The following SYT16 variants were observed in gnomAD, a reference collection of about 807,000 sequenced individuals.
SYT16 encodes the protein synaptotagmin-16.
A neutral mutation model predicts 61.4 loss-of-function variants in SYT16; 42 were observed. The ratio of observed to expected loss-of-function variants is 0.68; its 90% CI spans 0.53 to 0.89. The LOEUF is 0.89. Ranked by LOEUF, SYT16 falls within the 40% of genes least tolerant of loss-of-function variation. The pLI is 0.00. For synonymous variants in SYT16, 314 were observed against 302.3 expected (o/e 1.04, Z -0.40); for missense variants, 804 against 807.3 (o/e 1.00, Z 0.05).
chr14:62,106,947 A>G lies in SYT16; in HGVS notation c.*6240A>G, dbSNP rs1216335021. The G allele has an allele frequency of 6.6e-6, 1 of 152,062 alleles. No individual in the cohort carries two copies. The highest frequency in any genetic ancestry group is 1.5e-5 in the Non-Finnish European group (1 of 68,008). 9.4% of individuals were successfully genotyped at this position (152,062 alleles called of 1,614,324 possible). On this transcript the variant is annotated 3_prime_UTR_variant, in exon 8 of 8. Coordinates refer to ENST00000683842, the MANE Select transcript of SYT16 (RefSeq NM_001367656.1). Reference sequence around the variant, plus strand: ...TCCATTGCTCACTAATGCTGCCTTAAGGTTTCTTCATGGGAATTTTTACTT... The same window carrying G: ...TCCATTGCTCACTAATGCTGCCTTAGGGTTTCTTCATGGGAATTTTTACTT...
chr14:61,952,777 T>C (rs1344978530), intron 1 of SYT16, among the ~76,000 whole-genome samples: 1 of 152,240 alleles, frequency 6.6e-6, no homozygotes, highest in African/African-American at 2.4e-5. Context: ...CCACTTTTTT[T>C]CCTATTTTTT....
intron 3 of SYT16, among the ~76,000 whole-genome samples, chr14:62,048,537 C>G (rs927314916): frequency 1.3e-5 from 2 of 152,128 alleles, no homozygotes; most frequent in Non-Finnish European, 2.9e-5. Context: ...TGTGTTTGCT[C>G]TTGCTTCTCT....
At chr14:62,039,862 C>T (rs1174127247) in intron 3 of SYT16, among the ~76,000 whole-genome samples, 4 of 140,158 alleles carry the variant, frequency 2.9e-5, no homozygotes, top group African/African-American at 1.1e-4. Flanking sequence ...CACACACACA[C>T]ACACACACAC....
intron 3 of SYT16, among the ~76,000 whole-genome samples, chr14:62,011,870 T>TACACACAC (rs1351640578): frequency 0.23 from 28,425 of 122,738 alleles, 3,688 homozygotes; most frequent in East Asian, 0.44. Flanking sequence ...GGGAACACTA[T>TACACACAC]ATATACACAC....
At chr14:61,876,341 T>G (rs2047492426) in intron 1 of SYT16, among the ~76,000 whole-genome samples, 2 of 152,258 alleles carry the variant, frequency 1.3e-5, no homozygotes, top group South Asian at 4.1e-4. Flanking sequence ...TGCAGTTCAT[T>G]GCATTTGCTT....
chr14:61,881,820 C>A (rs535824802), intron 1 of SYT16, among the ~76,000 whole-genome samples: 4 of 152,280 alleles, frequency 2.6e-5, no homozygotes, highest in Admixed American at 6.5e-5. Flanking sequence ...TTATCATCTT[C>A]TTCTACAGTC....
chr14:62,021,975 T>A (rs1188495447), intron 3 of SYT16, among the ~76,000 whole-genome samples: 1 of 152,118 alleles, frequency 6.6e-6, no homozygotes, highest in Non-Finnish European at 1.5e-5. Flanking sequence ...TTATTTTGGT[T>A]GCCCTAAAAG....
chr14:61,820,896 T>C (rs1020056673), intron 1 of SYT16, among the ~76,000 whole-genome samples: 2 of 152,224 alleles, frequency 1.3e-5, no homozygotes, highest in African/African-American at 4.8e-5. Flanking sequence ...CCACTGGTGC[T>C]GACCTTAGCC....
chr14:61,912,298 G>C (rs545027876), intron 1 of SYT16, among the ~76,000 whole-genome samples: 1 of 152,210 alleles, frequency 6.6e-6, no homozygotes, highest in Non-Finnish European at 1.5e-5. Context: ...CAGAGGATAG[G>C]ATAGGATTAC....
In SYT16 at chr14:62,105,494, G is replaced by T. The variant is rs180949083; in HGVS notation, c.*4787G>T. On this transcript the variant is annotated 3_prime_UTR_variant, in exon 8 of 8. Coordinates refer to ENST00000683842, the MANE Select transcript of SYT16 (RefSeq NM_001367656.1). ...ACTCTAATAACACAGCTCTCAAAAC[G>T]TATCTGTTTGACTGGAATGTCCTGC... 6.6e-6 allele frequency: 1 copy of T among 152,056 alleles called. No homozygotes were observed. The highest frequency in any genetic ancestry group is 2.4e-5 in the African/African-American group (1 of 41,406). 9.4% of individuals were successfully genotyped at this position (152,056 alleles called of 1,614,324 possible). A position where few individuals can be genotyped will look rare whatever the true frequency, so the allele number is the denominator to read the frequency against.
intron 3 of SYT16, among the ~76,000 whole-genome samples, chr14:62,068,328 G>A (rs550894303): frequency 4.6e-5 from 7 of 152,088 alleles, no homozygotes; most frequent in Non-Finnish European, 1.0e-4. Context: ...CACAGAAAGA[G>A]GCATAGTGCA....
chr14:62,027,533 A>T (rs536873483), intron 3 of SYT16, among the ~76,000 whole-genome samples: 2 of 152,116 alleles, frequency 1.3e-5, no homozygotes, highest in Non-Finnish European at 2.9e-5. Context: ...GTTTACTATC[A>T]TCCTTCTCTC....
chr14:62,039,735 A>G (rs553132324), intron 3 of SYT16, among the ~76,000 whole-genome samples: 50 of 152,054 alleles, frequency 3.3e-4, no homozygotes, highest in Non-Finnish European at 5.6e-4. Flanking sequence ...TTGAACAGAG[A>G]TCTCTGAACT....
chr14:62,095,835 A>G (rs1299856527), intron 7 of SYT16, among the ~76,000 whole-genome samples: 1 of 151,990 alleles, frequency 6.6e-6, no homozygotes, highest in Non-Finnish European at 1.5e-5. Context: ...ACCAAGCAAG[A>G]GAGTAGAATA....
chr14:61,837,233 ATTTT>A (rs1237212390), intron 1 of SYT16, among the ~76,000 whole-genome samples: 3 of 122,822 alleles, frequency 2.4e-5, no homozygotes, highest in African/African-American at 3.1e-5. Flanking sequence ...GCAGAGGCTG[ATTTT>A]TTTTTTTTTT....
At chr14:61,815,469 T>TA (rs1415327143) in intron 1 of SYT16, among the ~76,000 whole-genome samples, 2 of 152,250 alleles carry the variant, frequency 1.3e-5, no homozygotes, top group East Asian at 3.8e-4. Context: ...CCAAGTATTC[T>TA]ATTCCAGTCA....
chr14:61,865,078 G>A, intron 1 of SYT16: 1 of 1,379,022 alleles, frequency 7.3e-7, no homozygotes, highest in Middle Eastern at 1.8e-4. Flanking sequence ...CAGCTTGCGG[G>A]AAATGGCCCA....
At chr14:62,059,245 T>C (rs941740105) in intron 3 of SYT16, among the ~76,000 whole-genome samples, 1 of 152,224 alleles carries the variant, frequency 6.6e-6, no homozygotes, top group African/African-American at 2.4e-5. Context: ...AAAAGATTTT[T>C]AAAAACAGCC....
rs2057622619 is a variant in SYT16, at chr14:62,112,309, T to C, written c.*11602T>C. 6.6e-6 allele frequency: 1 copy of C among 152,204 alleles called. No homozygotes were observed. Among genetic ancestry groups the C allele is most frequent in the Non-Finnish European group, 1.5e-5 (1 of 68,018 alleles). The allele number at this position is 152,204 out of a possible 1,614,324, so 9.4% of individuals were successfully genotyped here. ...AGGCAGATGTTCAGTCTCACAGTGA[T>C]GTTGGAAAGCATATTTTATGCAGTC... On this transcript the variant is annotated 3_prime_UTR_variant, in exon 8 of 8. Coordinates refer to ENST00000683842, the MANE Select transcript of SYT16 (RefSeq NM_001367656.1).
Sources: gnomAD v4.1 joint callset for allele counts (sites outside exome capture counted in the v4.1 genomes callset) on GRCh38, gnomAD v4.1.1 for gene constraint, MANE v1.5 for transcripts, NCBI Gene and HGNC (gene_info 2026-07-23, HGNC 2026-07-21) for gene names.